The following RDH12 variants were observed in gnomAD, a reference collection of about 807,000 sequenced individuals.
RDH12 encodes retinol dehydrogenase 12.
RDH12 carries 21 observed loss-of-function variants against 34.0 expected under a neutral mutation model. The ratio of observed to expected loss-of-function variants is 0.62; its 90% CI spans 0.44 to 0.89. The LOEUF is 0.89. Ranked by LOEUF, RDH12 falls within the 40% of genes least tolerant of loss-of-function variation. The pLI is 0.00. For missense variants in RDH12, 394 were observed against 398.6 expected (o/e 0.99, Z 0.10); for synonymous variants, 198 against 169.9 (o/e 1.17, Z -1.29).
At chr14:67,721,910 C>T (rs1335560349) in intron 2 of RDH12, among the ~76,000 whole-genome samples, 1 of 152,142 alleles carries the variant, frequency 6.6e-6, no homozygotes, top group Non-Finnish European at 1.5e-5. Context: ...AGTCCATGCA[C>T]TTAAACACCA....
At chr14:67,729,096 C>G in intron 7 of RDH12, 95 bp from the exon 8 acceptor site, 11 of 1,256,132 alleles carry the variant, frequency 8.8e-6, no homozygotes, top group Non-Finnish European at 1.2e-5. Flanking sequence ...TTTCCTGAGT[C>G]CCTCCTTCTC....
chr14:67,702,851 T>C (rs1170640364), intron 1 of RDH12, among the ~76,000 whole-genome samples: 3 of 152,206 alleles, frequency 2.0e-5, no homozygotes, highest in Admixed American at 2.0e-4. Context: ...CCTCACTCTG[T>C]TGCCCAGGGT....
At chr14:67,731,928 C>T (rs575280170) in intron 8 of RDH12, among the ~76,000 whole-genome samples, 1 of 151,474 alleles carries the variant, frequency 6.6e-6, no homozygotes, top group South Asian at 2.1e-4. Flanking sequence ...GGAGTTGAGA[C>T]CAGCCTGGCC....
chr14:67,732,738 G>A (rs61584136), intron 8 of RDH12, among the ~76,000 whole-genome samples: 2,603 of 152,010 alleles, frequency 0.017, 87 homozygotes, highest in African/African-American at 0.059. Flanking sequence ...CACCACACCC[G>A]GCTAATTGTT....
chr14:67,729,969 T>C, intron 8 of RDH12: 1 of 376,130 alleles, frequency 2.7e-6, no homozygotes, highest in South Asian at 2.0e-5. Context: ...TTGTCCCGCT[T>C]TGTTCAAGGC....
chr14:67,709,413 A>C (rs1484487398), intron 1 of RDH12, among the ~76,000 whole-genome samples: 1 of 152,226 alleles, frequency 6.6e-6, no homozygotes, highest in East Asian at 1.9e-4. Context: ...ATAAGATATA[A>C]CTTTCATAAG....
chr14:67,714,967 CAAATT>C (rs2140124129), intron 1 of RDH12: 1 of 152,340 alleles, frequency 6.6e-6, no homozygotes, highest in Non-Finnish European at 1.5e-5. Context: ...TGGACACAAA[CAAATT>C]AAAGGCAAGA....
intron 2 of RDH12, among the ~76,000 whole-genome samples, chr14:67,721,221 T>A (rs1421813384): frequency 6.6e-6 from 1 of 152,148 alleles, no homozygotes; most frequent in Non-Finnish European, 1.5e-5. Flanking sequence ...CTGTCCCAGC[T>A]CCTTGTCTAT....
chr14:67,709,651 A>G (rs943006532), intron 1 of RDH12, among the ~76,000 whole-genome samples: 10 of 152,102 alleles, frequency 6.6e-5, no homozygotes, highest in Non-Finnish European at 1.5e-4. Context: ...AATAGCTTTA[A>G]TTTCTGGCCC....
At chr14:67,702,487 T>C (rs1224137610) in intron 1 of RDH12, among the ~76,000 whole-genome samples, 2 of 152,220 alleles carry the variant, frequency 1.3e-5, no homozygotes, top group East Asian at 3.8e-4. Context: ...TCATAGTTTT[T>C]TACCTTTGTG....
rs1048324039 is a variant in RDH12, at chr14:67,729,569, T to A, written c.848+189T>A. ...GTACAAACTTATGTGTTGGGAAGAG[T>A]TGCTTTTCTGGCTTTATTTTATACT... On this transcript the variant is annotated intron_variant, in intron 8 of 8. Transcript: ENST00000551171. The A allele has an allele frequency of 4.5e-6, 3 of 660,266 alleles. No individual in the cohort carries two copies. The African/African-American group carries it at 5.4e-5, about 12-fold the overall frequency. 40.9% of individuals were successfully genotyped at this position (660,266 alleles called of 1,614,324 possible).
intron 1 of RDH12, among the ~76,000 whole-genome samples, chr14:67,716,266 G>A (rs2038069320): frequency 6.6e-6 from 1 of 151,850 alleles, no homozygotes; most frequent in Admixed American, 6.6e-5. Flanking sequence ...TGTGACTGCT[G>A]TACAGAAAAG....
intron 1 of RDH12, among the ~76,000 whole-genome samples, chr14:67,715,922 G>A (rs1460509429): frequency 1.3e-5 from 2 of 152,170 alleles, no homozygotes; most frequent in Non-Finnish European, 2.9e-5. Flanking sequence ...GAGGCCGGGG[G>A]CAGTGGCTTA....
intron 1 of RDH12, among the ~76,000 whole-genome samples, chr14:67,705,151 G>T (rs112998406): frequency 6.6e-6 from 1 of 152,196 alleles, no homozygotes; most frequent in Non-Finnish European, 1.5e-5. Flanking sequence ...AAAGTCTGTC[G>T]TTAGAAGTTG....
intron 1 of RDH12, among the ~76,000 whole-genome samples, chr14:67,715,723 C>T (rs1023461646): frequency 4.6e-5 from 7 of 152,124 alleles, no homozygotes; most frequent in African/African-American, 9.7e-5. Context: ...GCAATACTCA[C>T]GAAGTTGCAA....
intron 1 of RDH12, among the ~76,000 whole-genome samples, chr14:67,709,139 A>C (rs1020164305): frequency 3.3e-5 from 5 of 152,244 alleles, no homozygotes; most frequent in Non-Finnish European, 4.4e-5. Flanking sequence ...CATAATTTAT[A>C]GTTTGATTTT....
At chr14:67,705,472 C>T (rs1468339252) in intron 1 of RDH12, among the ~76,000 whole-genome samples, 2 of 152,208 alleles carry the variant, frequency 1.3e-5, no homozygotes, top group Non-Finnish European at 2.9e-5. Flanking sequence ...AATCATAAGA[C>T]TTGCCCCAGG....
At chr14:67,725,000 G>C in intron 4 of RDH12, 99 bp from the exon 5 acceptor site, 1 of 1,338,446 alleles carries the variant, frequency 7.5e-7, no homozygotes. Flanking sequence ...GGATGGCTGG[G>C]AGAATGAATG....
intron 3 of RDH12, 81 bp from the exon 4 acceptor site, chr14:67,724,392 G>GT (rs11331653): frequency 1.2e-3 from 814 of 687,414 alleles, no homozygotes; most frequent in Non-Finnish European, 1.5e-3. Flanking sequence ...GCTGGATAGA[G>GT]TTTTTTTTTT....
Sources: allele counts gnomAD v4.1 joint callset (sites outside exome capture counted in the v4.1 genomes callset), GRCh38; gene constraint gnomAD v4.1.1; transcripts MANE v1.5; gene names NCBI Gene and HGNC (gene_info 2026-07-23, HGNC 2026-07-21).